The following ATOSA variants were observed in gnomAD, a reference collection of about 807,000 sequenced individuals.
The protein encoded by ATOSA is atos homolog A.
At chr15:52,649,202 C>G in the ATOSA span, among the ~76,000 whole-genome samples, 1 of 152,114 alleles carries the variant, frequency 6.6e-6, no homozygotes, top group Non-Finnish European at 1.5e-5. Context: ...AAAGTTTTGG[C>G]CCTGCTGACT....
At chr15:52,652,143 C>T in the ATOSA span, 3 of 1,153,620 alleles carry the variant, frequency 2.6e-6, no homozygotes, top group African/African-American at 1.6e-5. Context: ...GCTAGGTCCA[C>T]TACAGCTTCC....
the ATOSA span, among the ~76,000 whole-genome samples, chr15:52,684,260 C>A: frequency 6.6e-6 from 1 of 152,148 alleles, no homozygotes; most frequent in African/African-American, 2.4e-5. Context: ...TTCAGCTGGG[C>A]ATGGTAGCTC....
the ATOSA span, among the ~76,000 whole-genome samples, chr15:52,624,273 C>T: frequency 5.8e-4 from 88 of 152,328 alleles, no homozygotes; most frequent in Middle Eastern, 3.4e-3. Context: ...ATGACTTCCT[C>T]CTCTCCTTTC....
the ATOSA span, chr15:52,585,148 AATAAT>A: frequency 1.3e-5 from 6 of 450,852 alleles, no homozygotes; most frequent in South Asian, 9.7e-5. Context: ...TTTGTTTTAC[AATAAT>A]ATAAGGTCCA....
the ATOSA span, chr15:52,601,205 C>T: frequency 4.7e-5 from 59 of 1,261,446 alleles, no homozygotes; most frequent in Admixed American, 1.6e-3. Flanking sequence ...AAAAAAAAAA[C>T]TGTTAATTTT....
the ATOSA span, among the ~76,000 whole-genome samples, chr15:52,697,036 AG>A: frequency 6.6e-6 from 1 of 152,254 alleles, no homozygotes; most frequent in South Asian, 2.1e-4. Flanking sequence ...GCTAGCATAC[AG>A]GATAAAAATC....
the ATOSA span, among the ~76,000 whole-genome samples, chr15:52,685,034 G>T: frequency 6.6e-6 from 1 of 152,230 alleles, no homozygotes; most frequent in African/African-American, 2.4e-5. Flanking sequence ...CTTTAGATAT[G>T]TTGGGTTTAT....
the ATOSA span, among the ~76,000 whole-genome samples, chr15:52,649,245 T>C: frequency 1.3e-5 from 2 of 152,070 alleles, no homozygotes; most frequent in African/African-American, 2.4e-5. Context: ...ATTCAAACTA[T>C]GAACAAGTAA....
the ATOSA span, among the ~76,000 whole-genome samples, chr15:52,635,088 C>T: frequency 6.6e-6 from 1 of 152,122 alleles, no homozygotes; most frequent in East Asian, 1.9e-4. Flanking sequence ...AGCCAATCAC[C>T]AAGGGCGTAT....
the ATOSA span, chr15:52,678,443 A>C: frequency 7.9e-4 from 132 of 167,776 alleles, no homozygotes; most frequent in Middle Eastern, 3.0e-3. Flanking sequence ...TTCGTACAAA[A>C]ACGCCTCTGG....
the ATOSA span, among the ~76,000 whole-genome samples, chr15:52,604,173 GCA>G: frequency 6.6e-6 from 1 of 152,216 alleles, no homozygotes. Context: ...TGTAATCCCA[GCA>G]CTTTGGGAGG....
At chr15:52,662,614 C>CG in the ATOSA span, among the ~76,000 whole-genome samples, 1 of 151,472 alleles carries the variant, frequency 6.6e-6, no homozygotes, top group East Asian at 1.9e-4. Flanking sequence ...ACTAAAAATA[C>CG]AAAAAATTAG....
the ATOSA span, among the ~76,000 whole-genome samples, chr15:52,583,059 G>A: frequency 6.6e-6 from 1 of 152,290 alleles, no homozygotes; most frequent in East Asian, 1.9e-4. Context: ...AGATGTGGTG[G>A]TTACAGCTCT....
the ATOSA span, among the ~76,000 whole-genome samples, chr15:52,601,409 A>G: frequency 6.6e-6 from 1 of 152,038 alleles, no homozygotes; most frequent in South Asian, 2.1e-4. Context: ...AGAAGCAGAA[A>G]CATTTTTTTC....
At chr15:52,588,232 C>T in the ATOSA span, among the ~76,000 whole-genome samples, 1 of 152,130 alleles carries the variant, frequency 6.6e-6, no homozygotes, top group Non-Finnish European at 1.5e-5. Flanking sequence ...TATCAATTTA[C>T]ATTAAGGTTT....
the ATOSA span, chr15:52,609,175 T>G: frequency 7.8e-5 from 126 of 1,613,428 alleles, no homozygotes; most frequent in Non-Finnish European, 4.1e-5. Context: ...TCTTGTTTGA[T>G]GTTTCAAAGA....
the ATOSA span, among the ~76,000 whole-genome samples, chr15:52,597,727 C>T: frequency 6.6e-6 from 1 of 152,178 alleles, no homozygotes; most frequent in Non-Finnish European, 1.5e-5. Flanking sequence ...GTAGAAAACT[C>T]TAAATCAGGG....
the ATOSA span, among the ~76,000 whole-genome samples, chr15:52,660,400 G>A: frequency 1.3e-5 from 2 of 152,146 alleles, no homozygotes; most frequent in Non-Finnish European, 2.9e-5. Flanking sequence ...CAGAACCTTT[G>A]CACATATACC....
the ATOSA span, among the ~76,000 whole-genome samples, chr15:52,638,072 T>C: frequency 1.8e-4 from 28 of 152,336 alleles, no homozygotes; most frequent in Middle Eastern, 6.8e-3. Flanking sequence ...ATTTCACCAC[T>C]AAGTATATTA....
Sources: allele counts gnomAD v4.1 joint callset (sites outside exome capture counted in the v4.1 genomes callset), GRCh38; gene constraint gnomAD v4.1.1; transcripts MANE v1.5; gene names NCBI Gene and HGNC (gene_info 2026-07-23, HGNC 2026-07-21).